Variants in CNTNAP2 observed in about 807,000 individuals in gnomAD.
CNTNAP2 encodes contactin-associated protein-like 2.
In CNTNAP2, 98 loss-of-function variants were observed where a neutral mutation model predicts 155.2. The observed-to-expected ratio is 0.63, with a 90% CI of 0.54 to 0.75. The LOEUF (loss-of-function observed/expected upper bound fraction) is 0.75, where lower values mean the gene tolerates loss of function less well. Among genes scored for constraint, CNTNAP2 ranks in the 30% least tolerant of loss-of-function variants. The probability of loss-of-function intolerance (pLI) is 0.00; values close to 1 mark genes in which losing one functional copy is unlikely to be tolerated. For missense variants in CNTNAP2, 1,727 were observed against 1,688.1 expected, an observed-to-expected ratio of 1.02 and a Z score of -0.40; for synonymous variants, 651 against 631.2, an observed-to-expected ratio of 1.03 and a Z score of -0.47.
chr7:146,840,305 G>A (rs1803696298), intron 3 of CNTNAP2, among the ~76,000 whole-genome samples: 1 of 152,186 alleles, frequency 6.6e-6, no homozygotes, highest in South Asian at 2.1e-4. Flanking sequence ...AGTGATAGAT[G>A]TTAAGAAAAG....
chr7:147,401,707 G>A (rs1796916626), intron 10 of CNTNAP2, among the ~76,000 whole-genome samples: 1 of 152,128 alleles, frequency 6.6e-6, no homozygotes, highest in African/African-American at 2.4e-5. Context: ...CCGTTCTCAT[G>A]ATAGTGAGTG....
intron 1 of CNTNAP2, among the ~76,000 whole-genome samples, chr7:146,124,222 A>G (rs541730827): frequency 1.3e-5 from 2 of 152,270 alleles, no homozygotes; most frequent in Admixed American, 6.5e-5. Context: ...CGTTCTGCAC[A>G]TGTATCCCAG....
rs371848644 is a variant in CNTNAP2 at position 146,551,606 on chromosome 7, T to TA, written c.98-222657dup. Among the ~76,000 whole-genome samples the TA allele has an allele frequency of 4.9e-3, 737 of 151,650 alleles. 5 individuals are homozygous for TA. Among genetic ancestry groups the TA allele is most frequent in the African/African-American group, 0.016 (654 of 41,364 alleles). Reference sequence around the variant, plus strand: ...CGTACCCTAAAACTTAAAGTATAATTAAAAAAAAGAATAAGAGGCCAAAAG... The same window carrying TA: ...CGTACCCTAAAACTTAAAGTATAATTAAAAAAAAAGAATAAGAGGCCAAAAG... On this transcript the variant is annotated intron_variant, in intron 1 of 23. Transcript: ENST00000361727.
At chr7:147,353,980 ATG>A (rs1796014965) in intron 9 of CNTNAP2, among the ~76,000 whole-genome samples, 1 of 45,976 alleles carries the variant, frequency 2.2e-5, no homozygotes, top group Non-Finnish European at 3.9e-5. Flanking sequence ...CCACTTTTTG[ATG>A]TTTTTTTTTT....
intron 15 of CNTNAP2, among the ~76,000 whole-genome samples, chr7:148,037,971 G>A (rs1802602224): frequency 6.6e-6 from 1 of 152,154 alleles, no homozygotes; most frequent in African/African-American, 2.4e-5. Context: ...TGTGGTTTCA[G>A]GCATCTACTG....
At chr7:146,565,497 A>T (rs1188883126) in intron 1 of CNTNAP2, among the ~76,000 whole-genome samples, 1 of 152,134 alleles carries the variant, frequency 6.6e-6, no homozygotes, top group African/African-American at 2.4e-5. Flanking sequence ...AGTTTCAGAG[A>T]TAATAAATAT....
At chr7:146,911,828 A>C (rs1796289632) in intron 3 of CNTNAP2, among the ~76,000 whole-genome samples, 1 of 152,104 alleles carries the variant, frequency 6.6e-6, no homozygotes. Flanking sequence ...TAAATAATAA[A>C]ATTTGGTTTA....
intron 1 of CNTNAP2, among the ~76,000 whole-genome samples, chr7:146,768,093 A>T (rs947062012): frequency 1.3e-5 from 2 of 152,134 alleles, no homozygotes; most frequent in Non-Finnish European, 2.9e-5. Context: ...AAAATGTGAT[A>T]TGTGAAAATT....
rs13223941 is a variant in CNTNAP2 at position 146,151,645 on chromosome 7, T to C, written c.97+34672T>C. Among the ~76,000 whole-genome samples, 12 of 21,344 alleles carry C rather than the reference T, an allele frequency of 5.6e-4. 1 individual carries two copies. Among genetic ancestry groups the C allele is most frequent in the South Asian group, 2.6e-3 (1 of 390 alleles). 14.0% of individuals were successfully genotyped at this position (21,344 alleles called of 152,430 possible). On this transcript the variant is annotated intron_variant, in intron 1 of 23. Coordinates refer to ENST00000361727, the MANE Select transcript of CNTNAP2 (RefSeq NM_014141.6). ...GGACAAAGAAAACGTGATATATATA[T>C]ATATATATATATATATATATATATA... is the stretch of plus-strand genomic sequence containing the variant.
At chr7:146,209,055 G>A (rs1427303346) in intron 1 of CNTNAP2, among the ~76,000 whole-genome samples, 1 of 152,118 alleles carries the variant, frequency 6.6e-6, no homozygotes, top group East Asian at 1.9e-4. Context: ...TGAGGAATTA[G>A]GGGCTTCATT....
chr7:148,199,512 A>G (rs1377359867), intron 18 of CNTNAP2, among the ~76,000 whole-genome samples: 2 of 152,234 alleles, frequency 1.3e-5, no homozygotes, highest in African/African-American at 4.8e-5. Flanking sequence ...TGTCGAAAAC[A>G]CGTCTCCAAA....
At chr7:146,550,940 A>G (rs1220713364) in intron 1 of CNTNAP2, among the ~76,000 whole-genome samples, 7 of 152,116 alleles carry the variant, frequency 4.6e-5, no homozygotes, top group Admixed American at 4.6e-4. Flanking sequence ...GGAGAGGTTT[A>G]TAAGCAGGAG....
At chr7:146,202,046 T>C (rs898697768) in intron 1 of CNTNAP2, among the ~76,000 whole-genome samples, 3 of 152,144 alleles carry the variant, frequency 2.0e-5, no homozygotes, top group African/African-American at 7.2e-5. Flanking sequence ...GTGAGTGAGA[T>C]TCTCATTTGT....
intron 18 of CNTNAP2, among the ~76,000 whole-genome samples, chr7:148,210,049 C>G (rs1175722879): frequency 6.6e-6 from 1 of 152,186 alleles, no homozygotes; most frequent in Non-Finnish European, 1.5e-5. Context: ...TCATAGTTCA[C>G]AGATGGCAGT....
At chr7:147,436,566 A>C (rs2116539313) in intron 10 of CNTNAP2, among the ~76,000 whole-genome samples, 1 of 152,304 alleles carries the variant, frequency 6.6e-6, no homozygotes, top group South Asian at 2.1e-4. Flanking sequence ...CACTGGGCAA[A>C]GTTACATAGG....
chr7:146,764,760 C>T (rs1802166078), intron 1 of CNTNAP2, among the ~76,000 whole-genome samples: 2 of 152,034 alleles, frequency 1.3e-5, no homozygotes, highest in African/African-American at 4.8e-5. Flanking sequence ...GATTTTCTAG[C>T]TATACTACTT....
chr7:146,611,654 G>T (rs996136422), intron 1 of CNTNAP2, among the ~76,000 whole-genome samples: 1 of 152,140 alleles, frequency 6.6e-6, no homozygotes, highest in African/African-American at 2.4e-5. Flanking sequence ...CACTTTAGCA[G>T]TAAAATTTTC....
intron 21 of CNTNAP2, among the ~76,000 whole-genome samples, chr7:148,299,415 G>C (rs1427139429): frequency 2.0e-5 from 3 of 152,232 alleles, no homozygotes; most frequent in Non-Finnish European, 4.4e-5. Flanking sequence ...GCCTGGACCA[G>C]AGAAAGTTCT....
At chr7:147,751,890 G>A (rs985768933) in intron 13 of CNTNAP2, among the ~76,000 whole-genome samples, 1 of 152,152 alleles carries the variant, frequency 6.6e-6, no homozygotes, top group Admixed American at 6.5e-5. Flanking sequence ...CTGGGATGAT[G>A]TTATTCCTAT....
Sources: gnomAD v4.1 joint callset for allele counts (sites outside exome capture counted in the v4.1 genomes callset) on GRCh38, gnomAD v4.1.1 for gene constraint, MANE v1.5 for transcripts, NCBI Gene and HGNC (gene_info 2026-07-23, HGNC 2026-07-21) for gene names.